The following GRIA1 variants were observed in gnomAD, a reference collection of about 807,000 sequenced individuals.
GRIA1 encodes glutamate ionotropic receptor AMPA type subunit 1.
In GRIA1, 31 loss-of-function variants were observed where a neutral mutation model predicts 99.2. The ratio of observed to expected loss-of-function variants is 0.31; its 90% CI spans 0.23 to 0.42. The LOEUF (loss-of-function observed/expected upper bound fraction) is 0.42, where lower values mean the gene tolerates loss of function less well. Ranked by LOEUF, GRIA1 falls within the 10% of genes least tolerant of loss-of-function variation. The pLI is 1.00. For missense variants in GRIA1, 782 were observed against 1,157.5 expected, an observed-to-expected ratio of 0.68 and a Z score of 4.71; for synonymous variants, 438 against 432.4, an observed-to-expected ratio of 1.01 and a Z score of -0.16.
chr5:153,737,507 T>A lies in GRIA1; in HGVS notation c.1824-26927T>A, dbSNP rs564565901. Among the ~76,000 whole-genome samples the A allele has an allele frequency of 3.3e-5, 5 of 152,258 alleles. No individual in the cohort carries two copies. The South Asian group carries it at 1.0e-3, about 32-fold the overall frequency. On this transcript the variant is annotated intron_variant, in intron 11 of 15. Coordinates refer to ENST00000285900, the MANE Select transcript of GRIA1 (RefSeq NM_000827.4). The stretch of plus-strand genomic sequence containing the variant: ...TCAGCTTGATTTGCCAGTCAGGATT[T>A]GCCATCTAAAACTGGCTAGAACATT...
chr5:153,811,816 A>T lies in GRIA1; in HGVS notation c.*591A>T, dbSNP rs1171522167. On this transcript the variant is annotated 3_prime_UTR_variant, in exon 16 of 16. Coordinates refer to ENST00000285900, the MANE Select transcript of GRIA1 (RefSeq NM_000827.4). Reference sequence around the variant, plus strand: ...CTCCACTCCTTGGCCCAAACCTCTGATGGAGATAGACATTGTTGGAGAAGT... The same window carrying T: ...CTCCACTCCTTGGCCCAAACCTCTGTTGGAGATAGACATTGTTGGAGAAGT... The T allele has an allele frequency of 6.5e-6, 1 of 153,482 alleles. No homozygotes were observed. The highest frequency in any genetic ancestry group is 1.4e-5 in the Non-Finnish European group (1 of 69,108). 9.5% of individuals were successfully genotyped at this position (153,482 alleles called of 1,614,324 possible). A position where few individuals can be genotyped will look rare whatever the true frequency, so the allele number is the denominator to read the frequency against.
intron 5 of GRIA1, among the ~76,000 whole-genome samples, chr5:153,664,793 A>G (rs2149475042): frequency 6.6e-6 from 1 of 152,300 alleles, no homozygotes; most frequent in East Asian, 1.9e-4. Context: ...AGTAGCTTTC[A>G]TATTTATCAT....
intron 13 of GRIA1, among the ~76,000 whole-genome samples, chr5:153,791,298 A>G (rs1765289588): frequency 6.6e-6 from 1 of 151,790 alleles, no homozygotes; most frequent in Admixed American, 6.6e-5. Flanking sequence ...TTAATAGAAA[A>G]GAAAAGAAAA....
intron 2 of GRIA1, among the ~76,000 whole-genome samples, chr5:153,637,759 C>G (rs530461506): frequency 6.6e-6 from 1 of 152,154 alleles, no homozygotes; most frequent in Admixed American, 6.6e-5. Context: ...TGATCAAGTT[C>G]AGTGGACTGA....
chr5:153,759,786 A>G (rs1453716435), intron 11 of GRIA1, among the ~76,000 whole-genome samples: 2 of 152,106 alleles, frequency 1.3e-5, no homozygotes, highest in Non-Finnish European at 2.9e-5. Flanking sequence ...ACATAGATGC[A>G]ATAATCCTCC....
At position 153,612,102 on chromosome 5, in the gene GRIA1, TG is replaced by T. The variant is rs776512564; in HGVS notation, c.221-34825del. 1.3e-4 allele frequency among the ~76,000 whole-genome samples: 20 copies of T among 152,346 alleles called. No individual in the cohort carries two copies. The East Asian group carries it at 3.7e-3, about 28-fold the overall frequency. ...GAAATGTGAGTCCTTGACCACCAGC[TG>T]TAGAAAAGTAAGGAATTATTGCTAA... On this transcript the variant is annotated intron_variant, in intron 2 of 15. Coordinates refer to ENST00000285900, the MANE Select transcript of GRIA1 (RefSeq NM_000827.4).
intron 2 of GRIA1, among the ~76,000 whole-genome samples, chr5:153,592,599 T>A (rs1174124506): frequency 6.6e-6 from 1 of 152,250 alleles, no homozygotes; most frequent in African/African-American, 2.4e-5. Flanking sequence ...AAATTCAACA[T>A]TCTCTTCCCT....
intron 11 of GRIA1, among the ~76,000 whole-genome samples, chr5:153,715,183 T>TC (rs1759583034): frequency 6.6e-6 from 1 of 152,086 alleles, no homozygotes; most frequent in Non-Finnish European, 1.5e-5. Flanking sequence ...TGTCCCTAGC[T>TC]CCCCACCTAA....
At chr5:153,780,250 G>C (rs1764546035) in intron 13 of GRIA1, among the ~76,000 whole-genome samples, 1 of 152,190 alleles carries the variant, frequency 6.6e-6, no homozygotes, top group Non-Finnish European at 1.5e-5. Flanking sequence ...TTGGATATCT[G>C]TCTCAGCTCT....
chr5:153,505,612 T>C (rs1755418918), intron 2 of GRIA1, among the ~76,000 whole-genome samples: 1 of 152,236 alleles, frequency 6.6e-6, no homozygotes, highest in Non-Finnish European at 1.5e-5. Flanking sequence ...TGCTCAATGT[T>C]ATATACCACT....
chr5:153,618,089 T>C (rs1209555627), intron 2 of GRIA1, among the ~76,000 whole-genome samples: 1 of 152,196 alleles, frequency 6.6e-6, no homozygotes, highest in Non-Finnish European at 1.5e-5. Context: ...AGGTAACCTG[T>C]TTGGTTTGAC....
intron 14 of GRIA1, among the ~76,000 whole-genome samples, chr5:153,800,758 G>C (rs902777960): frequency 3.3e-5 from 5 of 152,222 alleles, no homozygotes; most frequent in African/African-American, 9.6e-5. Flanking sequence ...GCACCAACTA[G>C]AACTAGGGCA....
At chr5:153,636,729 A>C (rs1753387971) in intron 2 of GRIA1, among the ~76,000 whole-genome samples, 2 of 152,260 alleles carry the variant, frequency 1.3e-5, no homozygotes, top group African/African-American at 4.8e-5. Context: ...CTATGAAATA[A>C]AAATAAACAT....
At chr5:153,515,101 A>C (rs1370683593) in intron 2 of GRIA1, among the ~76,000 whole-genome samples, 1 of 152,252 alleles carries the variant, frequency 6.6e-6, no homozygotes, top group African/African-American at 2.4e-5. Context: ...CAATTGAATC[A>C]TGGTAAACAT....
intron 2 of GRIA1, among the ~76,000 whole-genome samples, chr5:153,521,062 C>T (rs1354869141): frequency 6.6e-6 from 1 of 152,186 alleles, no homozygotes; most frequent in South Asian, 2.1e-4. Context: ...AATTCAAAAA[C>T]AAATGAGGAA....
At position 153,678,585 on chromosome 5, in the gene GRIA1, G is replaced by A. The variant is rs536472434; in HGVS notation, c.1029+1424G>A. Reference sequence around the variant, plus strand: ...CGCCTCCCTTTCTACCCCCACCTCAGCTTATTTAAAATGCTCTTCCAGACT... The same window carrying A: ...CGCCTCCCTTTCTACCCCCACCTCAACTTATTTAAAATGCTCTTCCAGACT... On this transcript the variant is annotated intron_variant, in intron 7 of 15. Coordinates refer to ENST00000285900, the MANE Select transcript of GRIA1 (RefSeq NM_000827.4). Among the ~76,000 whole-genome samples, 9 of 152,182 alleles carry A rather than the reference G, an allele frequency of 5.9e-5. No individual in the cohort carries two copies. The South Asian group carries it at 8.3e-4, about 14-fold the overall frequency.
chr5:153,565,293 A>G (rs1761516169), intron 2 of GRIA1, among the ~76,000 whole-genome samples: 1 of 152,188 alleles, frequency 6.6e-6, no homozygotes, highest in Non-Finnish European at 1.5e-5. Context: ...TTGATCTCCC[A>G]TGTCGTTATA....
intron 8 of GRIA1, among the ~76,000 whole-genome samples, chr5:153,695,647 C>G (rs1268334148): frequency 1.3e-5 from 2 of 152,222 alleles, no homozygotes; most frequent in African/African-American, 2.4e-5. Context: ...TCTTCAGTCC[C>G]CTTCCAGTTC....
At chr5:153,651,153 A>G (rs77185297) in intron 4 of GRIA1, among the ~76,000 whole-genome samples, 10,994 of 152,166 alleles carry the variant, frequency 0.072, 826 homozygotes, top group African/African-American at 0.2. Context: ...TATTAGGAAC[A>G]CAGCTTATAG....
Sources: gnomAD v4.1 joint callset for allele counts (sites outside exome capture counted in the v4.1 genomes callset) on GRCh38, gnomAD v4.1.1 for gene constraint, MANE v1.5 for transcripts, NCBI Gene and HGNC (gene_info 2026-07-23, HGNC 2026-07-21) for gene names.